Variants in GHR observed in about 807,000 individuals in gnomAD.
The protein encoded by GHR is GH receptor.
A neutral mutation model predicts 67.1 loss-of-function variants in GHR; 35 were observed. That is an observed-to-expected ratio of 0.52 (90% CI 0.40 to 0.69). The LOEUF (loss-of-function observed/expected upper bound fraction) is 0.69, where lower values mean the gene tolerates loss of function less well. Among genes scored for constraint, GHR ranks in the 30% least tolerant of loss-of-function variants. The probability of loss-of-function intolerance (pLI) is 0.00; values close to 1 mark genes in which losing one functional copy is unlikely to be tolerated. For missense variants in GHR, 792 were observed against 764.6 expected, an observed-to-expected ratio of 1.04 and a Z score of -0.42; for synonymous variants, 272 against 269.1, an observed-to-expected ratio of 1.01 and a Z score of -0.10.
chr5:42,680,853 A>ATTAT (rs1756829028), intron 3 of GHR, among the ~76,000 whole-genome samples: 1 of 150,640 alleles, frequency 6.6e-6, no homozygotes, highest in Admixed American at 6.6e-5. Context: ...TATTATTATT[A>ATTAT]TTTTTTTTTA....
At chr5:42,612,318 T>C (rs1371456951) in intron 2 of GHR, among the ~76,000 whole-genome samples, 1 of 152,174 alleles carries the variant, frequency 6.6e-6, no homozygotes, top group Non-Finnish European at 1.5e-5. Flanking sequence ...GAATTAGCTG[T>C]GGATAACTTT....
At chr5:42,433,151 G>A (rs1168494201) in intron 1 of GHR, among the ~76,000 whole-genome samples, 1 of 152,110 alleles carries the variant, frequency 6.6e-6, no homozygotes, top group Middle Eastern at 3.2e-3. Flanking sequence ...ATTTTATCTA[G>A]GACTTAGTAG....
intron 1 of GHR, among the ~76,000 whole-genome samples, chr5:42,454,887 A>T (rs1221349779): frequency 6.6e-6 from 1 of 151,950 alleles, no homozygotes; most frequent in East Asian, 1.9e-4. Context: ...CACCCACCAG[A>T]TTCTGTTCAC....
At chr5:42,669,595 G>C (rs2112895767) in intron 3 of GHR, among the ~76,000 whole-genome samples, 1 of 152,262 alleles carries the variant, frequency 6.6e-6, no homozygotes, top group Non-Finnish European at 1.5e-5. Context: ...CAGACACAAG[G>C]CTCTAGTGGT....
At chr5:42,686,530 A>C (rs1053035223) in intron 3 of GHR, among the ~76,000 whole-genome samples, 2 of 152,232 alleles carry the variant, frequency 1.3e-5, no homozygotes, top group Non-Finnish European at 2.9e-5. Flanking sequence ...CAACATACAC[A>C]AATCAATAAA....
chr5:42,484,077 A>G (rs1292960609), intron 1 of GHR, among the ~76,000 whole-genome samples: 2 of 152,232 alleles, frequency 1.3e-5, no homozygotes, highest in African/African-American at 2.4e-5. Flanking sequence ...TGGCCAGCAC[A>G]TGGATGGATC....
At chr5:42,510,873 C>T (rs1746987228) in intron 1 of GHR, among the ~76,000 whole-genome samples, 1 of 152,196 alleles carries the variant, frequency 6.6e-6, no homozygotes, top group South Asian at 2.1e-4. Context: ...AGGCGCTCAT[C>T]TTTAATTCCC....
intron 1 of GHR, chr5:42,550,092 C>T (rs940587814): frequency 1.0e-6 from 1 of 977,450 alleles, no homozygotes; most frequent in Non-Finnish European, 1.2e-6. Context: ...ATGATATTAG[C>T]TATGACAGCA....
At chr5:42,684,319 A>T (rs1399059629) in intron 3 of GHR, among the ~76,000 whole-genome samples, 1 of 152,244 alleles carries the variant, frequency 6.6e-6, no homozygotes, top group Non-Finnish European at 1.5e-5. Flanking sequence ...ACTAGAGTAC[A>T]CATCTCTCAA....
intron 3 of GHR, among the ~76,000 whole-genome samples, chr5:42,682,308 A>C (rs559375486): frequency 3.9e-5 from 6 of 152,326 alleles, no homozygotes; most frequent in Non-Finnish European, 8.8e-5. Context: ...GAACTATACT[A>C]TTTTTAGATT....
intron 1 of GHR, among the ~76,000 whole-genome samples, chr5:42,463,470 T>C (rs544435934): frequency 4.2e-4 from 64 of 152,344 alleles, no homozygotes; most frequent in Middle Eastern, 6.8e-3. Flanking sequence ...GGATTTTGGG[T>C]TAAATCTGAG....
chr5:42,477,795 A>G (rs1745409186), intron 1 of GHR, among the ~76,000 whole-genome samples: 2 of 152,150 alleles, frequency 1.3e-5, no homozygotes, highest in Non-Finnish European at 2.9e-5. Context: ...CCTTTGTCAG[A>G]TGAGTACATT....
At chr5:42,541,070 G>C (rs766137788) in intron 1 of GHR, among the ~76,000 whole-genome samples, 1 of 150,572 alleles carries the variant, frequency 6.6e-6, no homozygotes, top group Non-Finnish European at 1.5e-5. Flanking sequence ...CTCACCATTA[G>C]TTCATTCACC....
chr5:42,676,696 A>G (rs1193519217), intron 3 of GHR, among the ~76,000 whole-genome samples: 2 of 152,198 alleles, frequency 1.3e-5, no homozygotes, highest in Non-Finnish European at 2.9e-5. Flanking sequence ...GAAATTACAG[A>G]TCTCTTTTAC....
chr5:42,697,278 T>A (rs78716495), intron 5 of GHR, among the ~76,000 whole-genome samples: 2,311 of 152,352 alleles, frequency 0.015, 23 homozygotes, highest in Non-Finnish European at 0.023. Flanking sequence ...TTCATTCAAT[T>A]CATTCAGCAA....
At chr5:42,712,627 G>A (rs1448613461) in intron 7 of GHR, among the ~76,000 whole-genome samples, 1 of 151,964 alleles carries the variant, frequency 6.6e-6, no homozygotes, top group Non-Finnish European at 1.5e-5. Flanking sequence ...CAATGTTAAG[G>A]TAAATTTCAT....
At chr5:42,466,590 A>T (rs2090165692) in intron 1 of GHR, among the ~76,000 whole-genome samples, 1 of 152,224 alleles carries the variant, frequency 6.6e-6, no homozygotes, top group Admixed American at 6.5e-5. Context: ...CCTTTCCCCA[A>T]ATACAATCAT....
At chr5:42,692,036 C>T (rs75395351) in intron 4 of GHR, among the ~76,000 whole-genome samples, 5 of 152,168 alleles carry the variant, frequency 3.3e-5, no homozygotes, top group African/African-American at 4.8e-5. Flanking sequence ...CTCTTCCATA[C>T]CCATTCAACC....
At chr5:42,428,934 G>T (rs991473581) in intron 1 of GHR, among the ~76,000 whole-genome samples, 2 of 152,070 alleles carry the variant, frequency 1.3e-5, no homozygotes, top group Admixed American at 6.5e-5. Context: ...ACATTTTCCT[G>T]TCTTCTTTTG....
Sources: gnomAD v4.1 joint callset for allele counts (sites outside exome capture counted in the v4.1 genomes callset) on GRCh38, gnomAD v4.1.1 for gene constraint, MANE v1.5 for transcripts, NCBI Gene and HGNC (gene_info 2026-07-23, HGNC 2026-07-21) for gene names.